Variants in RIC3 observed in about 807,000 individuals in gnomAD.
The protein encoded by RIC3 is RIC3 acetylcholine receptor chaperone, also known as protein RIC-3.
RIC3 carries 28 observed loss-of-function variants against 27.3 expected under a neutral mutation model. That is an observed-to-expected ratio of 1.02 (90% confidence interval 0.76 to 1.41). The LOEUF (loss-of-function observed/expected upper bound fraction) is 1.41. Among genes scored for constraint, RIC3 ranks in the 40% most tolerant of loss-of-function variants. RIC3 has a pLI of 0.00. For synonymous variants in RIC3, 184 were observed against 160.4 expected, an observed-to-expected ratio of 1.15 and a Z score of -1.11; for missense variants, 501 against 444.7, an observed-to-expected ratio of 1.13 and a Z score of -1.14.
intron 1 of RIC3, among the ~76,000 whole-genome samples, chr11:8,140,615 G>C (rs1948943642): frequency 6.6e-6 from 1 of 152,184 alleles, no homozygotes. Flanking sequence ...GGTAGAAACA[G>C]CAAAGCCTCC....
the RIC3 span, chr11:8,100,852 G>C: frequency 1.2e-6 from 2 of 1,614,144 alleles, no homozygotes; most frequent in South Asian, 1.1e-5. Context: ...TAGCACGCTG[G>C]CAGAATAAGA....
intron 5 of RIC3, among the ~76,000 whole-genome samples, chr11:8,124,593 A>G (rs1050549882): frequency 1.3e-5 from 2 of 152,216 alleles, no homozygotes; most frequent in African/African-American, 4.8e-5. Flanking sequence ...GGGAAAAAAA[A>G]TCTGAACAAC....
chr11:8,159,763 G>A (rs1190356874), intron 1 of RIC3, among the ~76,000 whole-genome samples: 1 of 152,158 alleles, frequency 6.6e-6, no homozygotes. Flanking sequence ...GGCCAAGGCA[G>A]GCAGATCATC....
chr11:8,101,439 A>G (rs1944298775), downstream of RIC3: 2 of 1,608,760 alleles, frequency 1.2e-6, no homozygotes, highest in Non-Finnish European at 1.7e-6. Context: ...TGGCTCTACC[A>G]TTCCTGTCCT....
In RIC3 at chr11:8,137,360, C is replaced by A. The variant is rs760389467; in HGVS notation, c.521+18G>T. ...TCTAAATGAGAAATAGTCTGAGTCC[C>A]GTTACATGAAAACCTACCTCTCACC... On this transcript the variant is annotated intron_variant, in intron 4 of 5. Transcript: ENST00000309737. 4.4e-6 allele frequency: 7 copies of A among 1,598,890 alleles called. No individual in the cohort carries two copies. The highest frequency in any genetic ancestry group is 3.3e-5 in the South Asian group (3 of 90,792).
downstream of RIC3, chr11:8,105,163 C>T (rs1944497147): frequency 6.6e-6 from 1 of 152,230 alleles, no homozygotes; most frequent in Admixed American, 6.5e-5. Flanking sequence ...CTGGTTTTCT[C>T]TTACTGCAGT....
At chr11:8,100,302 A>C in the RIC3 span, among the ~76,000 whole-genome samples, 1 of 152,296 alleles carries the variant, frequency 6.6e-6, no homozygotes, top group Middle Eastern at 3.4e-3. Flanking sequence ...AGAAGCAAGG[A>C]TGACGCATAA....
At chr11:8,099,930 G>A in the RIC3 span, among the ~76,000 whole-genome samples, 4 of 152,324 alleles carry the variant, frequency 2.6e-5, no homozygotes, top group East Asian at 3.9e-4. Context: ...ATGGGGCCAC[G>A]TGCAGGTGAA....
intron 4 of RIC3, 79 bp from the exon 5 acceptor site, chr11:8,126,886 T>C (rs747838813): frequency 3.2e-6 from 5 of 1,553,304 alleles, no homozygotes; most frequent in Non-Finnish European, 2.7e-6. Flanking sequence ...ATGGTCTGTC[T>C]GGGTACTGGA....
chr11:8,099,213 C>CT, the RIC3 span, among the ~76,000 whole-genome samples: 137 of 152,208 alleles, frequency 9.0e-4, no homozygotes, highest in African/African-American at 3.0e-3. Flanking sequence ...ATGCCAGGTT[C>CT]TACATGGATT....
chr11:8,116,977 A>T (rs1196408343), intron 5 of RIC3, among the ~76,000 whole-genome samples: 1 of 152,378 alleles, frequency 6.6e-6, no homozygotes, highest in East Asian at 1.9e-4. Context: ...CTGCAGCATT[A>T]TTCACAATAG....
chr11:8,159,525 G>A (rs1950988230), intron 1 of RIC3, among the ~76,000 whole-genome samples: 1 of 152,134 alleles, frequency 6.6e-6, no homozygotes, highest in Admixed American at 6.6e-5. Flanking sequence ...AGACTGAAGT[G>A]GGGAAGGAGG....
chr11:8,131,699 G>C (rs113953805), intron 4 of RIC3, among the ~76,000 whole-genome samples: 10,968 of 151,874 alleles, frequency 0.072, 449 homozygotes, highest in South Asian at 0.11. Context: ...TCAGGAGTTC[G>C]AGTCAAGCCT....
chr11:8,137,513 C>A, intron 3 of RIC3, 42 bp from the exon 4 acceptor site: 1 of 1,540,120 alleles, frequency 6.5e-7, no homozygotes, highest in Non-Finnish European at 9.0e-7. Context: ...AGAGACAACT[C>A]CCTAAACCTG....
chr11:8,114,695 C>T (rs114124623), intron 5 of RIC3, among the ~76,000 whole-genome samples: 2,610 of 150,778 alleles, frequency 0.017, 79 homozygotes, highest in African/African-American at 0.06. Flanking sequence ...GGAAACTCAG[C>T]GAACTTCAAG....
At chr11:8,158,006 G>A (rs1383773869) in intron 1 of RIC3, among the ~76,000 whole-genome samples, 1 of 152,094 alleles carries the variant, frequency 6.6e-6, no homozygotes, top group Non-Finnish European at 1.5e-5. Flanking sequence ...CTTCAGAGTA[G>A]ATCTCTGATG....
chr11:8,094,677 C>T, the RIC3 span, among the ~76,000 whole-genome samples: 1 of 152,226 alleles, frequency 6.6e-6, no homozygotes, highest in Non-Finnish European at 1.5e-5. Context: ...CCAGCCTGTT[C>T]CCTCTGCTCC....
At chr11:8,131,783 C>T (rs939959021) in intron 4 of RIC3, among the ~76,000 whole-genome samples, 3 of 151,474 alleles carry the variant, frequency 2.0e-5, no homozygotes, top group Non-Finnish European at 4.4e-5. Flanking sequence ...TGCCTGTAGT[C>T]CCAGCTACTC....
At chr11:8,125,269 G>T (rs1468884807) in intron 5 of RIC3, among the ~76,000 whole-genome samples, 3 of 147,454 alleles carry the variant, frequency 2.0e-5, no homozygotes, top group African/African-American at 7.5e-5. Flanking sequence ...AAAAAAAAAA[G>T]TAAATCGTAA....
Sources: allele counts gnomAD v4.1 joint callset (sites outside exome capture counted in the v4.1 genomes callset), GRCh38; gene constraint gnomAD v4.1.1; transcripts MANE v1.5; gene names NCBI Gene and HGNC (gene_info 2026-07-23, HGNC 2026-07-21).